ZSCAN20: variants seen among roughly 807,000 people sequenced by gnomAD.
ZSCAN20 encodes zinc finger and SCAN domain-containing protein 20.
ZSCAN20 carries 39 observed loss-of-function variants against 97.1 expected under a neutral mutation model. The observed-to-expected ratio is 0.40, with a 90% CI of 0.31 to 0.52. The LOEUF is 0.52. Ranked by LOEUF, ZSCAN20 falls within the 20% of genes least tolerant of loss-of-function variation. ZSCAN20 has a pLI of 0.49. For missense variants in ZSCAN20, 1,115 were observed against 1,290.4 expected, an observed-to-expected ratio of 0.86 and a Z score of 2.08; for synonymous variants, 456 against 467.3, an observed-to-expected ratio of 0.98 and a Z score of 0.31.
At chr1:33,486,087 T>C (rs1159026243) in intron 2 of ZSCAN20, among the ~76,000 whole-genome samples, 2 of 152,204 alleles carry the variant, frequency 1.3e-5, no homozygotes, top group East Asian at 3.8e-4. Flanking sequence ...GGTAAAATAG[T>C]TTCTGCTGAG....
rs116406198 is a variant in ZSCAN20 at position 33,494,172 on chromosome 1, C to T, written c.1874-46C>T. 534 of 1,503,102 alleles carry T rather than the reference C, an allele frequency of 3.6e-4. 1 individual carries two copies. The highest frequency in any genetic ancestry group is 3.5e-3 in the African/African-American group (252 of 71,554). The allele number at this position is 1,503,102 out of a possible 1,614,324, so 93.1% of individuals were successfully genotyped here. A position where few individuals can be genotyped will look rare whatever the true frequency, so the allele number is the denominator to read the frequency against. On this transcript the variant is annotated intron_variant, in intron 7 of 7. Transcript: ENST00000684572. ...AGACACACACAAACACACACACACGCGCGCTAATGAGTGAAGAAAAACTGC... is the reference window on the plus strand; with the variant it reads ...AGACACACACAAACACACACACACGTGCGCTAATGAGTGAAGAAAAACTGC...
rs960064203 is a variant in ZSCAN20, at chr1:33,497,210, C to T, written c.*1734C>T. On this transcript the variant is annotated 3_prime_UTR_variant, in exon 8 of 8. Coordinates refer to ENST00000684572, the MANE Select transcript of ZSCAN20 (RefSeq NM_001377376.1). The stretch of plus-strand genomic sequence containing the variant: ...CCCTTCTTAACCCCTTCCCCTGCTT[C>T]AGAACCTCCTTTCCCAAGAACCAGC... 6.6e-6 allele frequency among the ~76,000 whole-genome samples: 1 copy of T among 152,202 alleles called. No homozygotes were observed. The highest frequency in any genetic ancestry group is 2.4e-5 in the African/African-American group (1 of 41,448).
In ZSCAN20 at chr1:33,500,630, C is replaced by T. The variant is rs2148489865; in HGVS notation, c.*5154C>T. Among the ~76,000 whole-genome samples, 1 of 150,132 alleles carries T rather than the reference C, an allele frequency of 6.7e-6. No individual in the cohort carries two copies. The highest frequency in any genetic ancestry group is 2.1e-4 in the South Asian group (1 of 4,730). ...GTGTGTAAAGATGCTTCTGATCATGCCTGCTATTACATGATACTTATTTCT... is the reference window on the plus strand; with the variant it reads ...GTGTGTAAAGATGCTTCTGATCATGTCTGCTATTACATGATACTTATTTCT... On this transcript the variant is annotated 3_prime_UTR_variant, in exon 8 of 8. Coordinates refer to ENST00000684572, the MANE Select transcript of ZSCAN20 (RefSeq NM_001377376.1).
intron 1 of ZSCAN20, among the ~76,000 whole-genome samples, chr1:33,473,859 A>G (rs1280471162): frequency 6.6e-6 from 1 of 152,190 alleles, no homozygotes; most frequent in Non-Finnish European, 1.5e-5. Flanking sequence ...CTGTTTCCCC[A>G]TTGCCCAGTC....
intron 2 of ZSCAN20, among the ~76,000 whole-genome samples, chr1:33,483,005 C>CTG (rs1368394828): frequency 6.6e-6 from 1 of 152,182 alleles, no homozygotes; most frequent in Non-Finnish European, 1.5e-5. Context: ...TTCTCCCAGT[C>CTG]TGTGGCTTGT....
At chr1:33,488,757 G>A (rs1652472389) in intron 3 of ZSCAN20, 106 bp downstream of exon 3, 1 of 1,231,268 alleles carries the variant, frequency 8.1e-7, no homozygotes, top group African/African-American at 1.5e-5. Flanking sequence ...TTCAAAGCAA[G>A]GGATAGGCTG....
In ZSCAN20 at chr1:33,499,085, G is replaced by A. The variant is rs552890283; in HGVS notation, c.*3609G>A. Among the ~76,000 whole-genome samples the A allele has an allele frequency of 5.3e-5, 8 of 152,194 alleles. No individual in the cohort carries two copies. Among genetic ancestry groups the A allele is most frequent in the African/African-American group, 9.6e-5 (4 of 41,458 alleles). On this transcript the variant is annotated 3_prime_UTR_variant, in exon 8 of 8. Coordinates refer to ENST00000684572, the MANE Select transcript of ZSCAN20 (RefSeq NM_001377376.1). ...TGTAGTCAGGCGCTCTGGGTAGTCC[G>A]TCCTGCCTCATCTTGTTCTGGGGCC...
chr1:33,490,937 A>G (rs918451125), intron 5 of ZSCAN20, 88 bp from the exon 6 acceptor site: 5 of 1,295,230 alleles, frequency 3.9e-6, no homozygotes, highest in Non-Finnish European at 5.3e-6. Context: ...GCCTCTTGCA[A>G]GGAAAAGATA....
At chr1:33,474,805 T>C (rs933242983) in intron 1 of ZSCAN20, among the ~76,000 whole-genome samples, 1 of 152,242 alleles carries the variant, frequency 6.6e-6, no homozygotes, top group Non-Finnish European at 1.5e-5. Context: ...CCTGGCACTC[T>C]ATAGTTGGCT....
chr1:33,485,483 C>T (rs867940156), intron 2 of ZSCAN20, among the ~76,000 whole-genome samples: 1 of 151,922 alleles, frequency 6.6e-6, no homozygotes, highest in Non-Finnish European at 1.5e-5. Flanking sequence ...GACCTTGGCT[C>T]ACTGCACCCT....
intron 2 of ZSCAN20, among the ~76,000 whole-genome samples, chr1:33,486,807 T>G (rs993968454): frequency 6.6e-6 from 1 of 152,192 alleles, no homozygotes; most frequent in African/African-American, 2.4e-5. Flanking sequence ...AGCAGATGCT[T>G]TCTCCCTGTG....
At chr1:33,472,914 A>T (rs1296930903) in intron 1 of ZSCAN20, among the ~76,000 whole-genome samples, 3 of 151,266 alleles carry the variant, frequency 2.0e-5, no homozygotes, top group African/African-American at 4.9e-5. Context: ...GGGAATGAGG[A>T]GGGCCTTAGA....
intron 5 of ZSCAN20, 45 bp from the exon 6 acceptor site, chr1:33,490,980 G>A (rs541711602): frequency 3.4e-5 from 51 of 1,518,002 alleles, no homozygotes; most frequent in East Asian, 1.1e-4. Flanking sequence ...CAAACATGCC[G>A]CTCAACAGAC....
Position 33,488,640 on chromosome 1 carries a change from T to C in ZSCAN20, c.593T>C (p.Leu198Ser), listed in dbSNP as rs1264825868. ...HLNAEVAPQP[L>S]KESAVLTPRV... is the part of the protein sequence containing the mutation. ...AATGCCGAGGTGGCACCACAGCCTT[T>C]GAAAGAGAGTGGTGAGTACATCTGA... The change falls in exon 3 of 8, where the codon TTG (leucine) becomes TCG (serine). Residue 198 changes from leucine (L) to serine (S), a missense_variant. Physicochemically the swap from Leu to Ser is moderately radical, Grantham distance 145. This residue lies in a region of ZSCAN20 where 508 missense variants were observed against 611.2 expected (regional missense o/e 0.83). Transcript: ENST00000684572. 1.2e-6 allele frequency: 2 copies of C among 1,611,924 alleles called. No individual in the cohort carries two copies. The highest frequency in any genetic ancestry group is 2.2e-5 in the South Asian group (2 of 90,750).
At position 33,497,500 on chromosome 1, in the gene ZSCAN20, A is replaced by T. The variant is rs1291827942; in HGVS notation, c.*2024A>T. 6.6e-6 allele frequency among the ~76,000 whole-genome samples: 1 copy of T among 152,112 alleles called. No individual in the cohort carries two copies. Among genetic ancestry groups the T allele is most frequent in the Non-Finnish European group, 1.5e-5 (1 of 68,012 alleles). On this transcript the variant is annotated 3_prime_UTR_variant, in exon 8 of 8. Transcript: ENST00000684572. ...GTATGATGGGAGGTTGGGAACAGGG[A>T]GCTGATATTAGAGGAGTGCTGGAGC...
Position 33,494,416 on chromosome 1 carries a change from A to G in ZSCAN20, c.2072A>G (p.Glu691Gly). The change falls in exon 8 of 8, where the codon GAA becomes GGA. Residue 691 changes from glutamate to glycine, a missense_variant. This residue lies in a region of ZSCAN20 where 554 missense variants were observed against 584.9 expected (regional missense o/e 0.95). Transcript: ENST00000684572. ...SQEQWQESSSEEDLEKLIDHQ... is the reference protein window; with the variant it reads ...SQEQWQESSSGEDLEKLIDHQ... ...GAACAGTGGCAAGAAAGTTCTTCTG[A>G]AGAGGACTTAGAAAAACTTATTGAC... is the stretch of plus-strand genomic sequence containing the variant. 1.2e-6 allele frequency: 2 copies of G among 1,613,790 alleles called. No individual in the cohort carries two copies. Among genetic ancestry groups the G allele is most frequent in the Non-Finnish European group, 1.7e-6 (2 of 1,179,852 alleles).
chr1:33,490,120 G>A (rs1652540850), intron 5 of ZSCAN20, among the ~76,000 whole-genome samples: 1 of 152,152 alleles, frequency 6.6e-6, no homozygotes, highest in South Asian at 2.1e-4. Flanking sequence ...CACTGTGTGG[G>A]GAGTTAGACA....
rs190301691 is a variant in ZSCAN20 at position 33,500,749 on chromosome 1, G to C, written c.*5273G>C. On this transcript the variant is annotated 3_prime_UTR_variant, in exon 8 of 8. Transcript: ENST00000684572. ...AGAGGGCGAGGGCCACGGGAAGGGG[G>C]ATCAGGAAAACAAGAATCAGTCTCT... Among the ~76,000 whole-genome samples the C allele has an allele frequency of 6.6e-6, 1 of 151,544 alleles. No individual in the cohort carries two copies. Among genetic ancestry groups the C allele is most frequent in the Non-Finnish European group, 1.5e-5 (1 of 67,954 alleles).
At position 33,494,474 on chromosome 1, in the gene ZSCAN20, C is replaced by T. The variant is rs1300239156; in HGVS notation, c.2130C>T (p.Tyr710=). The change falls in exon 8 of 8, where the codon TAC becomes TAT. Residue 710 remains tyrosine (Y), a synonymous_variant. Coordinates refer to ENST00000684572, the MANE Select transcript of ZSCAN20 (RefSeq NM_001377376.1). ...HQGLYLAEKP[Y]KCDTCMKSFS... Reference sequence around the variant, plus strand: ...GCCTGTACCTTGCAGAGAAACCCTACAAGTGTGACACATGCATGAAGAGCT... The same window carrying T: ...GCCTGTACCTTGCAGAGAAACCCTATAAGTGTGACACATGCATGAAGAGCT... The T allele has an allele frequency of 6.2e-7, 1 of 1,614,208 alleles. No homozygotes were observed. Among genetic ancestry groups the T allele is most frequent in the Admixed American group, 1.7e-5 (1 of 60,024 alleles).
Sources: allele counts gnomAD v4.1 joint callset (sites outside exome capture counted in the v4.1 genomes callset), GRCh38; gene constraint gnomAD v4.1.1; regional missense constraint gnomAD v4.1.1; transcripts MANE v1.5; gene names NCBI Gene and HGNC (gene_info 2026-07-23, HGNC 2026-07-21).